Variants in ZC3H12B observed in about 807,000 individuals in gnomAD.
ZC3H12B encodes the protein probable ribonuclease ZC3H12B.
A neutral mutation model predicts 43.9 loss-of-function variants in ZC3H12B; 7 were observed. That is an observed-to-expected ratio of 0.16 (90% confidence interval 0.09 to 0.30). The LOEUF (loss-of-function observed/expected upper bound fraction) is 0.30. ZC3H12B is among the 10% of genes least tolerant of loss of function. The pLI is 1.00. For synonymous variants in ZC3H12B, 222 were observed against 241.7 expected, an observed-to-expected ratio of 0.92 and a Z score of 0.76; for missense variants, 475 against 670.2, an observed-to-expected ratio of 0.71 and a Z score of 3.22.
At chrX:65,480,263 T>G (rs1422180890) in intron 3 of ZC3H12B, among the ~76,000 whole-genome samples, 2 of 112,514 alleles carry the variant, frequency 1.8e-5, no homozygotes, top group African/African-American at 6.5e-5. Flanking sequence ...ATTTGGAGGT[T>G]TGTTACAGTA....
intron 2 of ZC3H12B, among the ~76,000 whole-genome samples, chrX:65,390,877 T>C (rs1311629965): frequency 8.9e-6 from 1 of 111,914 alleles, no homozygotes; most frequent in Non-Finnish European, 1.9e-5. Context: ...TCAAGCATCT[T>C]CTCTGGCAAA....
the ZC3H12B span, among the ~76,000 whole-genome samples, chrX:65,220,002 G>C: frequency 1.2e-3 from 134 of 111,376 alleles, no homozygotes; most frequent in African/African-American, 4.2e-3. Flanking sequence ...ATTAACCACA[G>C]ATTTCTCAGC....
chrX:65,140,640 A>G, the ZC3H12B span, among the ~76,000 whole-genome samples: 1 of 111,986 alleles, frequency 8.9e-6, no homozygotes, highest in African/African-American at 3.2e-5. Flanking sequence ...TTTGAGAAGG[A>G]TTAATATTAG....
the ZC3H12B span, among the ~76,000 whole-genome samples, chrX:65,249,704 T>G: frequency 1.5e-4 from 17 of 111,505 alleles, no homozygotes; most frequent in Admixed American, 1.6e-3. Flanking sequence ...ATATGTTTCA[T>G]TTCTTTGTGT....
the ZC3H12B span, among the ~76,000 whole-genome samples, chrX:65,124,480 T>A: frequency 9.0e-6 from 1 of 110,663 alleles, no homozygotes; most frequent in Non-Finnish European, 1.9e-5. Context: ...ATTTTGGCAT[T>A]AGGGTGATAC....
chrX:65,386,335 G>A lies in ZC3H12B; in HGVS notation n.296-12258G>A, dbSNP rs188183778. On this transcript the variant is annotated intron_variant and non_coding_transcript_variant, in intron 2 of 5. Transcript: ENST00000617377. ...GCCTCATTTTCAGATCCTGTTATTG[G>A]TCTATTCAGGGATTCAACTTCTTCC... Among the ~76,000 whole-genome samples the A allele has an allele frequency of 3.7e-3, 413 of 111,566 alleles. 2 individuals are homozygous for A. The highest frequency in any genetic ancestry group is 5.8e-3 in the Non-Finnish European group (307 of 53,053).
At chrX:65,261,322 G>A in the ZC3H12B span, among the ~76,000 whole-genome samples, 1 of 111,654 alleles carries the variant, frequency 9.0e-6, no homozygotes, top group Non-Finnish European at 1.9e-5. Flanking sequence ...AATCAGCAAC[G>A]TCTTTAACCC....
the ZC3H12B span, among the ~76,000 whole-genome samples, chrX:65,188,941 C>T: frequency 3.0e-5 from 2 of 65,646 alleles, no homozygotes; most frequent in Non-Finnish European, 5.4e-5. Context: ...TGCTATCCCT[C>T]CCCCCTCCCC....
chrX:65,382,644 G>A (rs994166096), intron 2 of ZC3H12B, among the ~76,000 whole-genome samples: 2 of 111,554 alleles, frequency 1.8e-5, no homozygotes, highest in African/African-American at 6.5e-5. Flanking sequence ...ATTCAATTAG[G>A]AAAAGAGGAA....
intron 2 of ZC3H12B, among the ~76,000 whole-genome samples, chrX:65,384,593 T>G (rs1056473631): frequency 5.3e-4 from 59 of 111,793 alleles, no homozygotes; most frequent in Non-Finnish European, 9.6e-4. Context: ...AATAAACTAT[T>G]GCTATAGTTT....
the ZC3H12B span, among the ~76,000 whole-genome samples, chrX:65,228,708 C>T: frequency 2.7e-5 from 3 of 111,867 alleles, no homozygotes; most frequent in Non-Finnish European, 5.6e-5. Flanking sequence ...AATCAATGTA[C>T]AAAAATCACA....
chrX:65,170,808 G>C, the ZC3H12B span, among the ~76,000 whole-genome samples: 4 of 111,552 alleles, frequency 3.6e-5, no homozygotes, highest in South Asian at 1.5e-3. Flanking sequence ...TGATATCCTT[G>C]CTTCCTGTTG....
the ZC3H12B span, among the ~76,000 whole-genome samples, chrX:65,129,248 T>TAC: frequency 1.9e-5 from 2 of 103,497 alleles, no homozygotes; most frequent in African/African-American, 7.6e-5. Context: ...TATGTATGTG[T>TAC]GTATATATGT....
Position 65,379,915 on chromosome X carries a change from T to A in ZC3H12B, n.295+10917T>A, listed in dbSNP as rs2066411752. On this transcript the variant is annotated intron_variant and non_coding_transcript_variant, in intron 2 of 5. Coordinates refer to the ZC3H12B transcript ENST00000617377. ...GAAGGGAAATTTAGAGAAAAAAGAA[T>A]AAAAAGAAATGAGCAAAGCCTCCAA... Among the ~76,000 whole-genome samples, 3 of 107,409 alleles carry A rather than the reference T, an allele frequency of 2.8e-5. No individual in the cohort carries two copies. In the South Asian group the frequency reaches 1.2e-3, roughly 44 times the overall value. The allele number at this position is 107,409 out of a possible 115,157, so 93.3% of individuals were successfully genotyped here.
At chrX:65,224,686 C>A in the ZC3H12B span, among the ~76,000 whole-genome samples, 1 of 112,137 alleles carries the variant, frequency 8.9e-6, no homozygotes, top group Non-Finnish European at 1.9e-5. Flanking sequence ...CTGCACTTTT[C>A]CGACGGGCTT....
chrX:65,050,389 A>AT, the ZC3H12B span, among the ~76,000 whole-genome samples: 121 of 108,199 alleles, frequency 1.1e-3, no homozygotes, highest in African/African-American at 3.4e-3. Context: ...GGATGTTTTC[A>AT]TTTTTTTTTC....
chrX:65,275,403 A>G, the ZC3H12B span, among the ~76,000 whole-genome samples: 4 of 112,951 alleles, frequency 3.5e-5, no homozygotes, highest in African/African-American at 1.3e-4. Flanking sequence ...CTGTGTGCCT[A>G]TGCACCCAAT....
chrX:65,371,877 T>C (rs2066249191), intron 2 of ZC3H12B, among the ~76,000 whole-genome samples: 1 of 111,603 alleles, frequency 9.0e-6, no homozygotes, highest in African/African-American at 3.3e-5. Flanking sequence ...CTTGTGTTAG[T>C]GTAGACTTTT....
At chrX:65,108,134 G>A in the ZC3H12B span, among the ~76,000 whole-genome samples, 1 of 111,327 alleles carries the variant, frequency 9.0e-6, no homozygotes, top group East Asian at 2.9e-4. Context: ...GTCAGTGAGT[G>A]AGTGGCGATT....
Sources: allele counts gnomAD v4.1 joint callset (sites outside exome capture counted in the v4.1 genomes callset), GRCh38; gene constraint gnomAD v4.1.1; transcripts MANE v1.5; gene names NCBI Gene and HGNC (gene_info 2026-07-23, HGNC 2026-07-21).